The following SNTB2 variants were observed in gnomAD, a reference collection of about 807,000 sequenced individuals.
SNTB2 encodes the protein syntrophin beta 2.
Under a neutral mutation model 46.2 loss-of-function variants are expected in SNTB2, and 34 were observed. That is an observed-to-expected ratio of 0.74 (90% CI 0.56 to 0.98). SNTB2 has a LOEUF of 0.98. Ranked by LOEUF, SNTB2 falls within the 50% of genes least tolerant of loss-of-function variation. The probability of loss-of-function intolerance (pLI) is 0.00; values close to 1 mark genes in which losing one functional copy is unlikely to be tolerated. For synonymous variants in SNTB2, 290 were observed against 312.6 expected (o/e 0.93, Z 0.76); for missense variants, 603 against 731.4 (o/e 0.82, Z 2.02).
At chr16:69,208,844 A>G (rs1387837837) in intron 1 of SNTB2, among the ~76,000 whole-genome samples, 1 of 152,184 alleles carries the variant, frequency 6.6e-6, no homozygotes, top group Non-Finnish European at 1.5e-5. Flanking sequence ...AAATACAAAA[A>G]AAAAAAAATC....
At chr16:69,293,984 C>G (rs1965199176) in intron 5 of SNTB2, among the ~76,000 whole-genome samples, 1 of 152,098 alleles carries the variant, frequency 6.6e-6, no homozygotes, top group African/African-American at 2.4e-5. Flanking sequence ...CAGTTATAGG[C>G]CACTTTTATG....
intron 1 of SNTB2, among the ~76,000 whole-genome samples, chr16:69,234,877 A>G (rs1190284943): frequency 7.1e-6 from 1 of 141,026 alleles, no homozygotes; most frequent in South Asian, 2.3e-4. Flanking sequence ...TAATTTTTAT[A>G]CTTTTAGTAG....
intron 5 of SNTB2, among the ~76,000 whole-genome samples, chr16:69,291,042 G>A (rs74553373): frequency 0.023 from 3,508 of 152,292 alleles, 135 homozygotes; most frequent in African/African-American, 0.08. Context: ...TGTACTTCAT[G>A]CCTTTGACCA....
chr16:69,299,287 C>T (rs1965257274), intron 5 of SNTB2, among the ~76,000 whole-genome samples: 1 of 151,930 alleles, frequency 6.6e-6, no homozygotes. Flanking sequence ...GGATTACAGG[C>T]ACCCGCCACC....
intron 1 of SNTB2, among the ~76,000 whole-genome samples, chr16:69,215,053 G>A (rs963091297): frequency 7.2e-5 from 11 of 151,882 alleles, no homozygotes; most frequent in Admixed American, 2.6e-4. Context: ...ATGTTGGCCA[G>A]GCTGTTCCCG....
chr16:69,199,142 G>T (rs1200643880), intron 1 of SNTB2, among the ~76,000 whole-genome samples: 1 of 152,054 alleles, frequency 6.6e-6, no homozygotes, highest in Non-Finnish European at 1.5e-5. Flanking sequence ...TGATTCACCC[G>T]CCTTAGCCTG....
intron 1 of SNTB2, among the ~76,000 whole-genome samples, chr16:69,218,082 T>C (rs1372008719): frequency 6.6e-6 from 1 of 152,194 alleles, no homozygotes; most frequent in Non-Finnish European, 1.5e-5. Context: ...TATATTTGGG[T>C]ATAGCTCTAT....
At chr16:69,291,237 A>C (rs532991816) in intron 5 of SNTB2, among the ~76,000 whole-genome samples, 1 of 152,190 alleles carries the variant, frequency 6.6e-6, no homozygotes, top group Non-Finnish European at 1.5e-5. Context: ...CTCCCTTCTG[A>C]GGTGCTCTGA....
At chr16:69,272,417 G>A (rs564107441) in intron 4 of SNTB2, among the ~76,000 whole-genome samples, 2 of 150,640 alleles carry the variant, frequency 1.3e-5, no homozygotes, top group East Asian at 2.0e-4. Flanking sequence ...TTGCACACCT[G>A]TAATCCCAGC....
At position 69,293,118 on chromosome 16, in the gene SNTB2, A is replaced by G. The variant is rs146442048; in HGVS notation, c.1346-6472A>G. 1.1e-3 allele frequency among the ~76,000 whole-genome samples: 163 copies of G among 152,336 alleles called. 2 individuals are homozygous for G. The highest frequency in any genetic ancestry group is 3.6e-3 in the African/African-American group (148 of 41,580). ...CATGGCCACTAAAACTAGAATAAAT[A>G]TTAAATATCTTGCATAAAAGAGAGC... is the stretch of plus-strand genomic sequence containing the variant. On this transcript the variant is annotated intron_variant, in intron 5 of 6. Transcript: ENST00000336278.
intron 1 of SNTB2, among the ~76,000 whole-genome samples, chr16:69,220,459 C>T (rs913677484): frequency 2.0e-5 from 3 of 151,838 alleles, no homozygotes; most frequent in Non-Finnish European, 2.9e-5. Context: ...TGCGCCTGGC[C>T]AAGAAAGTCA....
chr16:69,245,904 A>T (rs971033243), intron 2 of SNTB2, 89 bp downstream of exon 2: 8 of 1,306,906 alleles, frequency 6.1e-6, no homozygotes, highest in East Asian at 2.3e-5. Flanking sequence ...TAACTCAGTT[A>T]TACAGAGGAA....
intron 1 of SNTB2, among the ~76,000 whole-genome samples, chr16:69,191,650 T>A (rs571302870): frequency 1.3e-5 from 2 of 151,438 alleles, no homozygotes; most frequent in African/African-American, 4.8e-5. Flanking sequence ...TTTATTTTGT[T>A]TTGTTTTTGA....
chr16:69,293,360 A>G (rs779546852), intron 5 of SNTB2, among the ~76,000 whole-genome samples: 6 of 152,206 alleles, frequency 3.9e-5, no homozygotes, highest in Non-Finnish European at 8.8e-5. Flanking sequence ...AGGTTTGCCT[A>G]TAAAGAAGAA....
intron 1 of SNTB2, among the ~76,000 whole-genome samples, chr16:69,216,688 C>G (rs951573091): frequency 6.6e-6 from 1 of 151,646 alleles, no homozygotes; most frequent in East Asian, 1.9e-4. Context: ...ACCCTGCCCC[C>G]CCCCCAAAAA....
intron 2 of SNTB2, among the ~76,000 whole-genome samples, chr16:69,247,796 A>G (rs1029821305): frequency 1.3e-5 from 2 of 152,232 alleles, no homozygotes; most frequent in African/African-American, 4.8e-5. Flanking sequence ...CACATATAGT[A>G]GGTTCTCAAG....
At chr16:69,292,004 G>C (rs567237709) in intron 5 of SNTB2, among the ~76,000 whole-genome samples, 64 of 151,822 alleles carry the variant, frequency 4.2e-4, no homozygotes, top group African/African-American at 1.4e-3. Flanking sequence ...CGGATCATGA[G>C]GTCAGGAGAT....
At chr16:69,187,773 G>GGGGGGGGGGGGGGGGCC in intron 1 of SNTB2, 27 bp downstream of exon 1, 4 of 331,854 alleles carry the variant, frequency 1.2e-5, no homozygotes, top group South Asian at 2.4e-5. Context: ...GGGAGGGTGG[G>GGGGGGGGGGGGGGGGCC]CAGGCCGCGG....
chr16:69,253,690 G>T (rs1184275630), intron 2 of SNTB2, among the ~76,000 whole-genome samples: 1 of 152,132 alleles, frequency 6.6e-6, no homozygotes, highest in Admixed American at 6.6e-5. Flanking sequence ...AACTGTCAGT[G>T]GGAAATAACT....
Sources: allele counts gnomAD v4.1 joint callset (sites outside exome capture counted in the v4.1 genomes callset), GRCh38; gene constraint gnomAD v4.1.1; transcripts MANE v1.5; gene names NCBI Gene and HGNC (gene_info 2026-07-23, HGNC 2026-07-21).